SPATA13: variants seen among roughly 807,000 people sequenced by gnomAD.
SPATA13 encodes the protein spermatogenesis associated 13, also known as spermatogenesis-associated protein 13.
In SPATA13, 50 loss-of-function variants were observed where a neutral mutation model predicts 104.0. The ratio of observed to expected loss-of-function variants is 0.48; its 90% CI spans 0.38 to 0.61. SPATA13 has a LOEUF of 0.61. SPATA13 is among the 20% of genes least tolerant of loss of function. SPATA13 has a pLI of 0.00. For missense variants in SPATA13, 1,524 were observed against 1,690.6 expected (o/e 0.90, Z 1.73); for synonymous variants, 606 against 667.5 (o/e 0.91, Z 1.42).
intron 1 of SPATA13, among the ~76,000 whole-genome samples, chr13:24,202,900 G>A (rs1401174601): frequency 6.6e-6 from 1 of 151,988 alleles, no homozygotes; most frequent in Non-Finnish European, 1.5e-5. Flanking sequence ...TGGAGAAGTC[G>A]ACAAGCAAAC....
intron 1 of SPATA13, among the ~76,000 whole-genome samples, chr13:24,186,673 A>AT (rs760476775): frequency 3.0e-4 from 45 of 152,336 alleles, no homozygotes; most frequent in Admixed American, 5.9e-4. Context: ...AAAGCAAAGC[A>AT]TAACATTGTT....
At chr13:24,198,870 G>A (rs992935801) in intron 1 of SPATA13, among the ~76,000 whole-genome samples, 3 of 152,006 alleles carry the variant, frequency 2.0e-5, no homozygotes, top group Admixed American at 6.6e-5. Flanking sequence ...CTTCCTCAGG[G>A]GTGATGCAGG....
At chr13:24,116,769 G>GCCC (rs68080717) in intron 3 of SPATA13, among the ~76,000 whole-genome samples, 4 of 141,498 alleles carry the variant, frequency 2.8e-5, no homozygotes, top group South Asian at 2.2e-4. Context: ...AGCCCTACCA[G>GCCC]CCCCCCCCCC....
At chr13:24,169,469 G>T (rs537855925) in intron 1 of SPATA13, among the ~76,000 whole-genome samples, 2 of 152,256 alleles carry the variant, frequency 1.3e-5, no homozygotes, top group South Asian at 4.2e-4. Context: ...GGTTCTATTT[G>T]TTGTATTTCT....
At chr13:24,253,922 T>C (rs780113275) in intron 4 of SPATA13, among the ~76,000 whole-genome samples, 13 of 152,110 alleles carry the variant, frequency 8.5e-5, no homozygotes, top group Non-Finnish European at 1.6e-4. Context: ...TGGAAAGGGC[T>C]CTGCAGGTCA....
intron 3 of SPATA13, among the ~76,000 whole-genome samples, chr13:24,023,265 C>CT (rs539780661): frequency 6.6e-6 from 1 of 152,108 alleles, no homozygotes; most frequent in Non-Finnish European, 1.5e-5. Context: ...TGAACTCATC[C>CT]TTTTTTATGG....
At chr13:24,176,050 G>A (rs78648095) in intron 1 of SPATA13, among the ~76,000 whole-genome samples, 4,993 of 152,294 alleles carry the variant, frequency 0.033, 114 homozygotes, top group Middle Eastern at 0.088. Context: ...CTGGGTACTG[G>A]AGCAGGCGTG....
intron 2 of SPATA13, among the ~76,000 whole-genome samples, chr13:24,010,179 TC>T (rs1876405201): frequency 6.6e-6 from 1 of 152,240 alleles, no homozygotes; most frequent in Non-Finnish European, 1.5e-5. Context: ...GATCAGCCTT[TC>T]ACTGAATTAA....
intron 1 of SPATA13, among the ~76,000 whole-genome samples, chr13:24,208,783 A>G (rs1870852952): frequency 6.6e-6 from 1 of 152,228 alleles, no homozygotes; most frequent in African/African-American, 2.4e-5. Flanking sequence ...GGAGAGAAAC[A>G]AGGAGAAAGT....
chr13:24,095,392 G>C (rs189526639), intron 3 of SPATA13, among the ~76,000 whole-genome samples: 2 of 152,180 alleles, frequency 1.3e-5, no homozygotes, highest in Admixed American at 6.5e-5. Context: ...AAATAGAAGG[G>C]TGGTTACCCA....
At chr13:24,189,550 A>G (rs561901787) in intron 1 of SPATA13, among the ~76,000 whole-genome samples, 275 of 133,982 alleles carry the variant, frequency 2.1e-3, no homozygotes, top group African/African-American at 7.5e-3. Context: ...ATTTAAATAT[A>G]TAGTATATTT....
chr13:24,295,567 G>A (rs190479822), intron 10 of SPATA13, among the ~76,000 whole-genome samples: 42 of 152,040 alleles, frequency 2.8e-4, no homozygotes, highest in African/African-American at 8.4e-4. Context: ...AGCCGTGATC[G>A]TGCCCCTGCA....
chr13:24,171,579 G>A (rs1025040451), intron 1 of SPATA13, among the ~76,000 whole-genome samples: 1 of 152,232 alleles, frequency 6.6e-6, no homozygotes, highest in Non-Finnish European at 1.5e-5. Context: ...AGGTGGCCAC[G>A]TGTGCTTGCT....
In SPATA13 at chr13:24,203,399, T is replaced by TCAGACA. The variant is rs1481356556; in HGVS notation, c.-111-19419_-111-19418insAGACAC. On this transcript the variant is annotated intron_variant, in intron 1 of 12. Coordinates refer to ENST00000382108, the MANE Select transcript of SPATA13 (RefSeq NM_001166271.3). ...TTAAGTAGCTTTTTCCTAAACTTGATCTTCCTGTGTCTGAGCCCCTAAGAA... is the reference window on the plus strand; with the variant it reads ...TTAAGTAGCTTTTTCCTAAACTTGATCAGACACTTCCTGTGTCTGAGCCCCTAAGAA... Among the ~76,000 whole-genome samples the TCAGACA allele has an allele frequency of 2.0e-5, 3 of 152,196 alleles. No individual in the cohort carries two copies. The East Asian group carries it at 5.8e-4, about 29-fold the overall frequency.
At chr13:23,981,599 A>T (rs1389544714) in intron 1 of SPATA13, among the ~76,000 whole-genome samples, 2 of 152,230 alleles carry the variant, frequency 1.3e-5, no homozygotes, top group Non-Finnish European at 2.9e-5. Context: ...CCTCAGGTAC[A>T]CAGACCACAG....
chr13:24,222,683 G>A, intron 1 of SPATA13, 136 bp from the exon 2 acceptor site: 1 of 682,222 alleles, frequency 1.5e-6, no homozygotes, highest in Non-Finnish European at 2.4e-6. Flanking sequence ...GAATGGAGGG[G>A]AAATGTACAG....
chr13:24,063,824 G>A (rs1878858881), intron 3 of SPATA13, among the ~76,000 whole-genome samples: 2 of 152,172 alleles, frequency 1.3e-5, no homozygotes, highest in South Asian at 4.1e-4. Flanking sequence ...CTGAATTTGT[G>A]TCGTTTCCTG....
At position 24,121,980 on chromosome 13, in the gene SPATA13, G is replaced by C. The variant is rs1227590521; in HGVS notation, c.-111-100839G>C. ...ATCTATTCATCATTAGTTTAGAGTA[G>C]ATAACATGAACCACTTCTGGAACCA... On this transcript the variant is annotated intron_variant, in intron 3 of 14. Transcript: ENST00000424834. 6 of 912,262 alleles carry C rather than the reference G, an allele frequency of 6.6e-6. No homozygotes were observed. In the African/African-American group the frequency reaches 9.8e-5, roughly 15 times the overall value. 56.5% of individuals were successfully genotyped at this position (912,262 alleles called of 1,614,324 possible). A position where few individuals can be genotyped will look rare whatever the true frequency, so the allele number is the denominator to read the frequency against.
chr13:24,019,075 C>CTTA (rs201394966), intron 3 of SPATA13, among the ~76,000 whole-genome samples: 11,872 of 137,342 alleles, frequency 0.086, 591 homozygotes, highest in Non-Finnish European at 0.092. Context: ...TTATATGATT[C>CTTA]TTATTATTAT....
Sources: allele counts gnomAD v4.1 joint callset (sites outside exome capture counted in the v4.1 genomes callset), GRCh38; gene constraint gnomAD v4.1.1; transcripts MANE v1.5; gene names NCBI Gene and HGNC (gene_info 2026-07-23, HGNC 2026-07-21).